The following FAM20C variants were observed in gnomAD, a reference collection of about 807,000 sequenced individuals.
FAM20C encodes the protein extracellular serine/threonine protein kinase FAM20C.
In FAM20C, 40 loss-of-function variants were observed where a neutral mutation model predicts 51.5. That is an observed-to-expected ratio of 0.78 (90% CI 0.60 to 1.01). The LOEUF is 1.01. Among genes scored for constraint, FAM20C ranks in the 50% least tolerant of loss-of-function variants. The probability of loss-of-function intolerance (pLI) is 0.00; values close to 1 mark genes in which losing one functional copy is unlikely to be tolerated. For missense variants in FAM20C, 861 were observed against 844.7 expected (o/e 1.02, Z -0.24); for synonymous variants, 406 against 380.6 (o/e 1.07, Z -0.78).
At chr7:203,845 C>G (rs886081382) in intron 2 of FAM20C, among the ~76,000 whole-genome samples, 1 of 152,190 alleles carries the variant, frequency 6.6e-6, no homozygotes, top group Non-Finnish European at 1.5e-5. Context: ...CTGGAAGGAG[C>G]TGATGAGCTG....
At chr7:226,984 A>G (rs114774732) in intron 3 of FAM20C, among the ~76,000 whole-genome samples, 1 of 152,092 alleles carries the variant, frequency 6.6e-6, no homozygotes, top group African/African-American at 2.4e-5. Flanking sequence ...CCAAGCCCAC[A>G]CTGGCACCCT....
intron 2 of FAM20C, among the ~76,000 whole-genome samples, chr7:199,490 G>A (rs1786033255): frequency 6.6e-6 from 1 of 152,254 alleles, no homozygotes; most frequent in African/African-American, 2.4e-5. Context: ...GCCCCTGGGT[G>A]CTCACTTTAA....
intron 3 of FAM20C, among the ~76,000 whole-genome samples, chr7:216,915 C>T (rs767107605): frequency 2.6e-5 from 4 of 152,082 alleles, no homozygotes; most frequent in South Asian, 2.1e-4. Flanking sequence ...GGCCTGTCTC[C>T]GGGCAGCAGA....
At chr7:203,907 T>C (rs747063504) in intron 2 of FAM20C, among the ~76,000 whole-genome samples, 2 of 152,334 alleles carry the variant, frequency 1.3e-5, no homozygotes, top group Admixed American at 6.5e-5. Context: ...CAGTTACTAA[T>C]GGAAATGGGG....
At chr7:213,547 G>GTGGC (rs1786828233) in intron 3 of FAM20C, among the ~76,000 whole-genome samples, 1 of 152,026 alleles carries the variant, frequency 6.6e-6, no homozygotes, top group South Asian at 2.1e-4. Context: ...ATTCCAAGGT[G>GTGGC]TGGCTGTTCA....
chr7:231,206 G>A (rs1490242468), intron 3 of FAM20C, among the ~76,000 whole-genome samples: 3 of 152,164 alleles, frequency 2.0e-5, no homozygotes, highest in African/African-American at 4.8e-5. Flanking sequence ...GAGTGGGTGC[G>A]CTGGGGGGTC....
intron 2 of FAM20C, among the ~76,000 whole-genome samples, chr7:196,634 T>G (rs945985059): frequency 2.0e-5 from 3 of 152,180 alleles, no homozygotes; most frequent in African/African-American, 7.2e-5. Flanking sequence ...ATTAGCTTCA[T>G]GTGTGTCTCA....
At chr7:242,634 C>A (rs145316415) in intron 3 of FAM20C, among the ~76,000 whole-genome samples, 31,240 of 152,126 alleles carry the variant, frequency 0.21, 3,703 homozygotes, top group East Asian at 0.31. Flanking sequence ...ATTCTCAGAG[C>A]TGCACTGCAC....
rs996631258 is a variant in FAM20C at position 193,633 on chromosome 7, C to T, written c.434C>T (p.Pro145Leu). The T allele has an allele frequency of 1.8e-5, 27 of 1,539,700 alleles. No individual in the cohort carries two copies. The highest frequency in any genetic ancestry group is 7.9e-5 in the Admixed American group (4 of 50,582). The change falls in exon 1 of 10, where the codon CCG becomes CTG. Residue 145 changes from proline to leucine, a missense_variant. Physicochemically the swap from Pro to Leu is moderately conservative, Grantham distance 98 (BLOSUM62 -3). Around this residue, in one of 3 missense-constraint regions of FAM20C, gnomAD observed 561 missense variants for 499.8 expected, o/e 1.12. Coordinates refer to ENST00000313766, the MANE Select transcript of FAM20C (RefSeq NM_020223.4). ...CGGCCGCTGCTGCGAGACCCCGGCC[C>T]GCGTCGGTCCGAGTCGCCCCCCGGC... ...AHRPLLRDPG[P>L]RRSESPPGPG...
intron 2 of FAM20C, among the ~76,000 whole-genome samples, chr7:200,853 C>G (rs558191219): frequency 6.6e-6 from 1 of 152,150 alleles, no homozygotes; most frequent in Admixed American, 6.5e-5. Flanking sequence ...GTGCAGGCTC[C>G]CAGCTCTTCC....
Position 193,228 on chromosome 7 carries a change from G to T in FAM20C, c.29G>T (p.Arg10Leu). MKMMLVRRF[R>L]VLILMVFLVA... The stretch of plus-strand genomic sequence containing the variant: ...AAGATGATGCTGGTGCGCCGGTTCC[G>T]CGTGCTCATCCTGATGGTGTTCCTG... Residue 10 changes from arginine (R) to leucine (L), a missense_variant, in exon 1 of 10, where the codon CGC (arginine) becomes CTC (leucine). Transcript: ENST00000313766. 6.8e-7 allele frequency: 1 copy of T among 1,464,370 alleles called. No individual in the cohort carries two copies. The highest frequency in any genetic ancestry group is 9.1e-7 in the Non-Finnish European group (1 of 1,103,380). 90.7% of individuals were successfully genotyped at this position (1,464,370 alleles called of 1,614,324 possible).
chr7:237,475 G>T (rs1338519992), intron 3 of FAM20C, among the ~76,000 whole-genome samples: 3 of 152,214 alleles, frequency 2.0e-5, no homozygotes, highest in Non-Finnish European at 4.4e-5. Flanking sequence ...TGATTGTGAT[G>T]ATAGTGATGG....
chr7:196,951 G>A (rs1316911978), intron 2 of FAM20C, among the ~76,000 whole-genome samples: 1 of 151,766 alleles, frequency 6.6e-6, no homozygotes, highest in Non-Finnish European at 1.5e-5. Context: ...CCCCCCTCCA[G>A]GCCCCCCTCC....
chr7:236,540 ATCGTCTT>A (rs1231153324), intron 3 of FAM20C, among the ~76,000 whole-genome samples: 1 of 152,186 alleles, frequency 6.6e-6, no homozygotes, highest in African/African-American at 2.4e-5. Flanking sequence ...ACCCCCTGGG[ATCGTCTT>A]GCTCCCACTT....
At chr7:228,199 C>A in intron 3 of FAM20C, 3 of 331,888 alleles carry the variant, frequency 9.0e-6, no homozygotes, top group South Asian at 4.9e-5. Flanking sequence ...TGTGATGAGG[C>A]CCGTGGCCAA....
intron 5 of FAM20C, among the ~76,000 whole-genome samples, chr7:250,726 C>T (rs1280623548): frequency 1.3e-5 from 2 of 152,260 alleles, no homozygotes; most frequent in African/African-American, 2.4e-5. Flanking sequence ...GACCGCACTG[C>T]AGCCCGCCAT....
intron 3 of FAM20C, 139 bp downstream of exon 3, chr7:209,115 C>T (rs1027821980): frequency 5.2e-5 from 42 of 814,564 alleles, no homozygotes; most frequent in Middle Eastern, 7.0e-4. Flanking sequence ...CAACTCTCCC[C>T]GTCATGGCAA....
chr7:198,504 C>T (rs1583277403), intron 2 of FAM20C, among the ~76,000 whole-genome samples: 1 of 152,272 alleles, frequency 6.6e-6, no homozygotes, highest in Non-Finnish European at 1.5e-5. Flanking sequence ...AGTTAAAAGT[C>T]CTGATTTTTC....
chr7:247,526 A>G (rs920542800), intron 4 of FAM20C, among the ~76,000 whole-genome samples: 1 of 152,208 alleles, frequency 6.6e-6, no homozygotes, highest in East Asian at 1.9e-4. Context: ...GCATTTTAAC[A>G]AGATCCCTAG....
Sources: gnomAD v4.1 joint callset for allele counts (sites outside exome capture counted in the v4.1 genomes callset) on GRCh38, gnomAD v4.1.1 for gene constraint, gnomAD v4.1.1 regional missense constraint, MANE v1.5 for transcripts, NCBI Gene and HGNC (gene_info 2026-07-23, HGNC 2026-07-21) for gene names.